Variants in CDH20 observed in about 807,000 individuals in gnomAD.
CDH20 encodes the protein cadherin 20.
A neutral mutation model predicts 74.2 loss-of-function variants in CDH20; 29 were observed. The ratio of observed to expected loss-of-function variants is 0.39; its 90% CI spans 0.29 to 0.53. The LOEUF (loss-of-function observed/expected upper bound fraction) is 0.53. CDH20 is among the 20% of genes least tolerant of loss of function. The probability of loss-of-function intolerance (pLI) is 0.69; values close to 1 mark genes in which losing one functional copy is unlikely to be tolerated. For synonymous variants in CDH20, 469 were observed against 405.4 expected, an observed-to-expected ratio of 1.16 and a Z score of -1.88; for missense variants, 988 against 1,048.3, an observed-to-expected ratio of 0.94 and a Z score of 0.79.
intron 10 of CDH20, among the ~76,000 whole-genome samples, chr18:61,545,760 G>C (rs972509445): frequency 6.6e-6 from 1 of 152,118 alleles, no homozygotes; most frequent in African/African-American, 2.4e-5. Context: ...AGATAACAAA[G>C]AGCAAATACA....
chr18:61,542,837 G>C (rs938803166), intron 9 of CDH20, among the ~76,000 whole-genome samples: 1 of 152,120 alleles, frequency 6.6e-6, no homozygotes, highest in African/African-American at 2.4e-5. Context: ...AGGCAGGAGG[G>C]GAAGGTGCCA....
chr18:61,534,240 T>C (rs1912747819), intron 7 of CDH20, among the ~76,000 whole-genome samples: 1 of 152,218 alleles, frequency 6.6e-6, no homozygotes, highest in African/African-American at 2.4e-5. Context: ...ACGTAAGTGT[T>C]GGCTGGGGTG....
rs140363528 is a variant in CDH20, at chr18:61,471,496, A to G, written c.-152-18906A>G. ...TGTTATCAATTGCTTCTCTTTAGTC[A>G]TAATGGAACTGGGGGGAAATTACAG... is the stretch of plus-strand genomic sequence containing the variant. On this transcript the variant is annotated intron_variant, in intron 1 of 11. Transcript: ENST00000262717. Among the ~76,000 whole-genome samples the G allele has an allele frequency of 1.1e-4, 16 of 152,354 alleles. No individual in the cohort carries two copies. In the East Asian group the frequency reaches 3.1e-3, roughly 29 times the overall value.
chr18:61,414,373 A>G (rs1451160610), intron 1 of CDH20, among the ~76,000 whole-genome samples: 1 of 152,190 alleles, frequency 6.6e-6, no homozygotes, highest in Admixed American at 6.5e-5. Context: ...ATGTGAATGT[A>G]TTCGTCTCCT....
chr18:61,495,764 C>G (rs1336685982), intron 2 of CDH20, among the ~76,000 whole-genome samples: 4 of 152,174 alleles, frequency 2.6e-5, no homozygotes, highest in Non-Finnish European at 4.4e-5. Flanking sequence ...GAGCTGCGCT[C>G]TCTCTCTGAT....
At chr18:61,348,377 A>G (rs938899447) in intron 1 of CDH20, among the ~76,000 whole-genome samples, 8 of 152,104 alleles carry the variant, frequency 5.3e-5, no homozygotes, top group Admixed American at 3.3e-4. Context: ...GTTCTCCCCT[A>G]TATTAAATTA....
chr18:61,436,532 T>C (rs1908846880), intron 1 of CDH20, among the ~76,000 whole-genome samples: 2 of 152,336 alleles, frequency 1.3e-5, no homozygotes, highest in Non-Finnish European at 2.9e-5. Flanking sequence ...GGATTTGACA[T>C]GCCTGTGAAA....
rs142802302 is a variant in CDH20, at chr18:61,419,254, A to G, written c.-152-71148A>G. Among the ~76,000 whole-genome samples, 50 of 152,166 alleles carry G rather than the reference A, an allele frequency of 3.3e-4. No individual in the cohort carries two copies. In the East Asian group the frequency reaches 9.3e-3, roughly 28 times the overall value. ...CTAATTATTACATTTTTTTGTAGAG[A>G]CAGGGTCTTGCTGTATTGCCCAGGC... On this transcript the variant is annotated intron_variant, in intron 1 of 11. Transcript: ENST00000262717.
intron 4 of CDH20, among the ~76,000 whole-genome samples, chr18:61,501,892 G>C (rs930071809): frequency 2.6e-5 from 4 of 152,072 alleles, no homozygotes; most frequent in Admixed American, 2.0e-4. Flanking sequence ...GCTCCCGGGG[G>C]GCATCTGTAG....
intron 1 of CDH20, among the ~76,000 whole-genome samples, chr18:61,339,037 T>G (rs1909848660): frequency 6.6e-6 from 1 of 152,208 alleles, no homozygotes; most frequent in Non-Finnish European, 1.5e-5. Context: ...TGAATGGTTC[T>G]TGTTACTTTG....
intron 1 of CDH20, among the ~76,000 whole-genome samples, chr18:61,441,311 T>A (rs1349604186): frequency 6.6e-6 from 1 of 152,166 alleles, no homozygotes; most frequent in Non-Finnish European, 1.5e-5. Flanking sequence ...ATTCTAATTA[T>A]TATAAATTTC....
chr18:61,464,507 A>T (rs1909896460), intron 1 of CDH20, among the ~76,000 whole-genome samples: 1 of 152,152 alleles, frequency 6.6e-6, no homozygotes, highest in Non-Finnish European at 1.5e-5. Flanking sequence ...GCTAGCAAAG[A>T]CCAGGCTATG....
At chr18:61,449,763 A>AAAT (rs939528270) in intron 1 of CDH20, among the ~76,000 whole-genome samples, 4 of 150,644 alleles carry the variant, frequency 2.7e-5, no homozygotes, top group African/African-American at 9.7e-5. Flanking sequence ...AATAGAAAAA[A>AAAT]ATATATATAT....
chr18:61,398,192 CTATT>C (rs1436956113), intron 1 of CDH20, among the ~76,000 whole-genome samples: 1 of 152,222 alleles, frequency 6.6e-6, no homozygotes, highest in Non-Finnish European at 1.5e-5. Flanking sequence ...GAACGGGTCA[CTATT>C]TGTCTGTCAC....
intron 1 of CDH20, among the ~76,000 whole-genome samples, chr18:61,378,752 A>C (rs1911333238): frequency 6.6e-6 from 1 of 152,162 alleles, no homozygotes; most frequent in Admixed American, 6.6e-5. Context: ...CAAAACTTTC[A>C]GGTAGATAAT....
intron 8 of CDH20, among the ~76,000 whole-genome samples, chr18:61,538,592 G>GTTT (rs1445503985): frequency 1.9e-5 from 1 of 52,890 alleles, no homozygotes; most frequent in Non-Finnish European, 4.0e-5. Flanking sequence ...TTGTTTGTTT[G>GTTT]TTTGTTTTTG....
intron 1 of CDH20, among the ~76,000 whole-genome samples, chr18:61,395,524 A>G (rs1248991536): frequency 6.6e-6 from 1 of 152,038 alleles, no homozygotes; most frequent in African/African-American, 2.4e-5. Context: ...ACCTCCAAAG[A>G]CCTTCTCCCT....
At chr18:61,436,087 C>T (rs185450599) in intron 1 of CDH20, among the ~76,000 whole-genome samples, 9 of 152,124 alleles carry the variant, frequency 5.9e-5, no homozygotes, top group Non-Finnish European at 5.9e-5. Context: ...TGTGTCGTAG[C>T]ACATTTTAGG....
intron 1 of CDH20, among the ~76,000 whole-genome samples, chr18:61,468,904 T>A (rs1280079585): frequency 6.6e-6 from 1 of 152,210 alleles, no homozygotes; most frequent in Non-Finnish European, 1.5e-5. Context: ...GTTTCCCCAT[T>A]TCTTGATCTC....
Sources: gnomAD v4.1 joint callset for allele counts (sites outside exome capture counted in the v4.1 genomes callset) on GRCh38, gnomAD v4.1.1 for gene constraint, MANE v1.5 for transcripts, NCBI Gene and HGNC (gene_info 2026-07-23, HGNC 2026-07-21) for gene names.